The following TBX5 variants were observed in gnomAD, a reference collection of about 807,000 sequenced individuals.
The protein encoded by TBX5 is T-box transcription factor 5.
Under a neutral mutation model 51.1 loss-of-function variants are expected in TBX5, and 8 were observed. The ratio of observed to expected loss-of-function variants is 0.16; its 90% CI spans 0.09 to 0.28. TBX5 has a LOEUF of 0.28. Ranked by LOEUF, TBX5 falls within the 10% of genes least tolerant of loss-of-function variation. The probability of loss-of-function intolerance (pLI) is 1.00; values close to 1 mark genes in which losing one functional copy is unlikely to be tolerated. For missense variants in TBX5, 589 were observed against 671.7 expected (o/e 0.88, Z 1.36); for synonymous variants, 302 against 266.4 (o/e 1.13, Z -1.30).
rs1488297965 is a variant in TBX5, at chr12:114,398,846, G to C, written c.363-126C>G. The stretch of plus-strand genomic sequence containing the variant: ...AGTAGTAGCTGGGAATAATCTGGAG[G>C]CTCTCCCGTCTCCCTTAGGTATCTG... On this transcript the variant is annotated intron_variant, in intron 4 of 8. Coordinates refer to ENST00000405440, the MANE Select transcript of TBX5 (RefSeq NM_181486.4). The C allele has an allele frequency of 2.5e-6, 3 of 1,206,808 alleles. No individual in the cohort carries two copies. In the East Asian group the frequency reaches 7.7e-5, roughly 31 times the overall value. 74.8% of individuals were successfully genotyped at this position (1,206,808 alleles called of 1,614,324 possible).
intron 1 of TBX5, among the ~76,000 whole-genome samples, chr12:114,404,560 C>G (rs1872073762): frequency 6.6e-6 from 1 of 152,136 alleles, no homozygotes; most frequent in Non-Finnish European, 1.5e-5. Flanking sequence ...AGTTACAGGC[C>G]TTAACATTAA....
In TBX5 at chr12:114,396,271, G is replaced by A. The variant is rs977457561; in HGVS notation, c.511-1378C>T. On this transcript the variant is annotated intron_variant, in intron 5 of 8. Transcript: ENST00000405440. Reference sequence around the variant, plus strand: ...TCCCCGGCCGATAGCGACGCCGACCGGGGCGGCGTGGCGACAGAGAGACGC... The same window carrying A: ...TCCCCGGCCGATAGCGACGCCGACCAGGGCGGCGTGGCGACAGAGAGACGC... Among the ~76,000 whole-genome samples the A allele has an allele frequency of 6.0e-4, 91 of 151,944 alleles. 1 individual carries two copies. The highest frequency in any genetic ancestry group is 2.1e-3 in the African/African-American group (86 of 41,506).
chr12:114,389,270 T>C (rs768635255), intron 6 of TBX5, among the ~76,000 whole-genome samples: 1 of 152,134 alleles, frequency 6.6e-6, no homozygotes, highest in East Asian at 1.9e-4. Flanking sequence ...GAAAAATCTA[T>C]AAAATCCTTT....
At chr12:114,407,316 C>G (rs923992607), upstream of TBX5, among the ~76,000 whole-genome samples, 9 of 152,198 alleles carry the variant, frequency 5.9e-5, no homozygotes. Context: ...TGTGAAAACA[C>G]CCTCACCCTC....
In TBX5 at chr12:114,371,158, A is replaced by G. The variant is rs549350703; in HGVS notation, c.756-4767T>C. Among the ~76,000 whole-genome samples the G allele has an allele frequency of 2.0e-5, 3 of 152,294 alleles. No homozygotes were observed. In the South Asian group the frequency reaches 6.2e-4, roughly 32 times the overall value. On this transcript the variant is annotated intron_variant, in intron 7 of 8. Coordinates refer to ENST00000405440, the MANE Select transcript of TBX5 (RefSeq NM_181486.4). ...GGGCAATATCAAGATCTACTGATCT[A>G]TCCTACTCTTTGCAGAAACTTTAGT...
At chr12:114,379,670 G>A (rs1593860847) in intron 7 of TBX5, among the ~76,000 whole-genome samples, 1 of 152,184 alleles carries the variant, frequency 6.6e-6, no homozygotes. Context: ...ACACTCCTCG[G>A]TCGAGTAGAA....
chr12:114,355,552 C>A lies in TBX5; in HGVS notation c.1537G>T (p.Glu513Ter). 1 of 1,614,146 alleles carries A rather than the reference C, an allele frequency of 6.2e-7. No individual in the cohort carries two copies. The part of the protein sequence containing the change: ...HSVHGVGMVP[E>*]WSDNS ...TCACTTTAGCTATTGTCGCTCCACT[C>A]TGGCACCATGCCAACTCCGTGCACA... Residue 513 changes from glutamate to a stop codon, truncating the protein, a stop_gained, in exon 9 of 9, where the codon GAG (glutamate) becomes TAG (stop). Coordinates refer to ENST00000405440, the MANE Select transcript of TBX5 (RefSeq NM_181486.4). LOFTEE classifies it high-confidence loss of function.
At chr12:114,402,709 A>C (rs1871904325) in intron 2 of TBX5, among the ~76,000 whole-genome samples, 1 of 152,128 alleles carries the variant, frequency 6.6e-6, no homozygotes, top group Non-Finnish European at 1.5e-5. Flanking sequence ...AAATGTATAT[A>C]TATACATATA....
intron 8 of TBX5, among the ~76,000 whole-genome samples, chr12:114,357,383 G>A (rs1241714775): frequency 6.6e-6 from 1 of 152,142 alleles, no homozygotes; most frequent in Non-Finnish European, 1.5e-5. Context: ...ACAATTTCAG[G>A]GGGTTCAAAG....
intron 7 of TBX5, among the ~76,000 whole-genome samples, chr12:114,366,978 T>C (rs1330948447): frequency 6.6e-6 from 1 of 152,166 alleles, no homozygotes; most frequent in Non-Finnish European, 1.5e-5. Context: ...CTCCATACCT[T>C]AGTTTTCCCA....
At chr12:114,395,534 C>G (rs1202117525) in intron 5 of TBX5, among the ~76,000 whole-genome samples, 2 of 152,100 alleles carry the variant, frequency 1.3e-5, no homozygotes, top group Non-Finnish European at 2.9e-5. Context: ...CACGGGTGAT[C>G]TGCCCTCCAA....
intron 6 of TBX5, among the ~76,000 whole-genome samples, chr12:114,387,374 G>A (rs1184854723): frequency 6.6e-6 from 1 of 152,144 alleles, no homozygotes; most frequent in Non-Finnish European, 1.5e-5. Context: ...ATATGTATGT[G>A]CACCTATGTG....
chr12:114,403,424 G>A (rs1226248380), intron 2 of TBX5, among the ~76,000 whole-genome samples: 1 of 152,236 alleles, frequency 6.6e-6, no homozygotes, highest in African/African-American at 2.4e-5. Context: ...CAGAGGGAAA[G>A]GAATTATCTA....
chr12:114,358,935 G>T (rs1869077669), intron 8 of TBX5, among the ~76,000 whole-genome samples: 1 of 151,728 alleles, frequency 6.6e-6, no homozygotes, highest in Non-Finnish European at 1.5e-5. Context: ...ATTGTTGCTG[G>T]AATCATAACC....
intron 8 of TBX5, among the ~76,000 whole-genome samples, chr12:114,365,168 ATGTGTGTGTG>A (rs10536626): frequency 6.8e-6 from 1 of 147,480 alleles, no homozygotes; most frequent in Non-Finnish European, 1.5e-5. Context: ...ATCATTTGTG[ATGTGTGTGTG>A]TGTGTGTGTG....
In TBX5 at chr12:114,355,741, G is replaced by C. The variant is rs1243477560; in HGVS notation, c.1348C>G (p.Leu450Val). 4.3e-6 allele frequency: 7 copies of C among 1,614,142 alleles called. No individual in the cohort carries two copies. Among genetic ancestry groups the C allele is most frequent in the Middle Eastern group, 1.6e-4 (1 of 6,062 alleles). ...TGGTGCTGGAACATTCCCTCTCCCAGCTGTGGGGAGCCATGGTTGGCCATG... is the reference window on the plus strand; with the variant it reads ...TGGTGCTGGAACATTCCCTCTCCCACCTGTGGGGAGCCATGGTTGGCCATG... The part of the protein sequence containing the change: ...AGMANHGSPQ[L>V]GEGMFQHQTS... Residue 450 changes from leucine (L) to valine (V), a missense_variant, in exon 9 of 9, where the codon CTG becomes GTG. Physicochemically the swap from Leu to Val is conservative, Grantham distance 32. Coordinates refer to ENST00000405440, the MANE Select transcript of TBX5 (RefSeq NM_181486.4).
chr12:114,364,013 T>C (rs112524012), intron 8 of TBX5, among the ~76,000 whole-genome samples: 244 of 152,316 alleles, frequency 1.6e-3, no homozygotes, highest in African/African-American at 5.4e-3. Context: ...TTCAGGCCTT[T>C]GAGATTCAAG....
intron 5 of TBX5, 97 bp from the exon 6 acceptor site, chr12:114,394,990 T>C: frequency 8.2e-7 from 1 of 1,216,568 alleles, no homozygotes; most frequent in East Asian, 2.3e-5. Context: ...CGCCTTGTTA[T>C]ATCGGCTCTC....
At chr12:114,393,179 C>T (rs1203173810) in intron 6 of TBX5, among the ~76,000 whole-genome samples, 1 of 152,140 alleles carries the variant, frequency 6.6e-6, no homozygotes, top group Non-Finnish European at 1.5e-5. Flanking sequence ...CTAAGCCTTC[C>T]TCTCATCCTT....
Sources: gnomAD v4.1 joint callset for allele counts (sites outside exome capture counted in the v4.1 genomes callset) on GRCh38, gnomAD v4.1.1 for gene constraint, MANE v1.5 for transcripts, NCBI Gene and HGNC (gene_info 2026-07-23, HGNC 2026-07-21) for gene names.